MRPL37: variants seen among roughly 807,000 people sequenced by gnomAD.
The protein encoded by MRPL37 is mitochondrial ribosomal protein L37.
MRPL37 carries 34 observed loss-of-function variants against 44.1 expected under a neutral mutation model. That is an observed-to-expected ratio of 0.77 (90% confidence interval 0.59 to 1.03). MRPL37 has a LOEUF of 1.03. Ranked by LOEUF, MRPL37 falls within the 50% of genes least tolerant of loss-of-function variation. MRPL37 has a pLI of 0.00. For missense variants in MRPL37, 532 were observed against 543.7 expected, an observed-to-expected ratio of 0.98 and a Z score of 0.21; for synonymous variants, 212 against 219.5, an observed-to-expected ratio of 0.97 and a Z score of 0.30.
At chr1:54,218,896 T>C (rs778676364), downstream of MRPL37, among the ~76,000 whole-genome samples, 1 of 152,252 alleles carries the variant, frequency 6.6e-6, no homozygotes, top group Non-Finnish European at 1.5e-5. Flanking sequence ...AGAAAAATAT[T>C]GCATGCCTAG....
intron 1 of MRPL37, among the ~76,000 whole-genome samples, chr1:54,201,713 A>G (rs148119083): frequency 1.3e-5 from 2 of 152,174 alleles, no homozygotes; most frequent in East Asian, 3.8e-4. Flanking sequence ...TAGCCTTGTC[A>G]CTTACAAAGT....
At chr1:54,203,661 A>T (rs2100501047) in intron 1 of MRPL37, among the ~76,000 whole-genome samples, 1 of 151,914 alleles carries the variant, frequency 6.6e-6, no homozygotes, top group South Asian at 2.1e-4. Flanking sequence ...TTTTTAGTAG[A>T]GACGGGGTTT....
Position 54,205,058 on chromosome 1 carries a change from A to T in MRPL37, c.387A>T (p.Ile129=). The change falls in exon 2 of 7, where the codon ATA becomes ATT. Residue 129 remains isoleucine (I), a synonymous_variant. Coordinates refer to ENST00000360840, the MANE Select transcript of MRPL37 (RefSeq NM_016491.4). The part of the protein sequence containing the change: ...QALWLTKTKL[I]EGLPEKVLSL... ...TCTGGCTCACCAAGACCAAGTTAAT[A>T]GAAGGCCTTCCCGAGAAAGTGCTTA... 1 of 1,614,224 alleles carries T rather than the reference A, an allele frequency of 6.2e-7. No homozygotes were observed. Among genetic ancestry groups the T allele is most frequent in the Non-Finnish European group, 8.5e-7 (1 of 1,180,042 alleles).
intron 3 of MRPL37, among the ~76,000 whole-genome samples, chr1:54,209,450 AT>A (rs35454838): frequency 0.039 from 5,408 of 137,678 alleles, 188 homozygotes; most frequent in African/African-American, 0.1. Context: ...AAAGTCTTTA[AT>A]TTTTTTTTTT....
At chr1:54,202,004 CTTT>C (rs772612874) in intron 1 of MRPL37, among the ~76,000 whole-genome samples, 6 of 141,160 alleles carry the variant, frequency 4.3e-5, no homozygotes, top group African/African-American at 5.2e-5. Flanking sequence ...CCAGAAGTTA[CTTT>C]TTTTTTTTTT....
rs1164995474 is a variant in MRPL37, at chr1:54,217,573, A to G, written c.1195-599A>G. 3.3e-5 allele frequency among the ~76,000 whole-genome samples: 5 copies of G among 151,848 alleles called. No individual in the cohort carries two copies. The East Asian group carries it at 5.8e-4, about 18-fold the overall frequency. The stretch of plus-strand genomic sequence containing the variant: ...TCCTGCCTTCATTTCTACTTCTTCT[A>G]TTGCATGTGCTGGGCTTTCTGAAGT... On this transcript the variant is annotated intron_variant, in intron 6 of 6. Coordinates refer to ENST00000360840, the MANE Select transcript of MRPL37 (RefSeq NM_016491.4).
chr1:54,217,879 C>A (rs141886071), intron 6 of MRPL37, among the ~76,000 whole-genome samples: 84 of 152,182 alleles, frequency 5.5e-4, no homozygotes, highest in Non-Finnish European at 9.6e-4. Flanking sequence ...GATGATTGTC[C>A]CTGGGATTAG....
At chr1:54,205,882 G>A (rs992884553) in intron 3 of MRPL37, among the ~76,000 whole-genome samples, 8 of 152,014 alleles carry the variant, frequency 5.3e-5, no homozygotes, top group Admixed American at 2.0e-4. Flanking sequence ...CTGTCTCCTA[G>A]TAGTGTAAAC....
At chr1:54,223,957 G>A (rs976099772), downstream of MRPL37, among the ~76,000 whole-genome samples, 8 of 152,200 alleles carry the variant, frequency 5.3e-5, no homozygotes, top group Admixed American at 5.2e-4. Flanking sequence ...TTTGTGTTGT[G>A]AAGGCAACTG....
chr1:54,205,969 C>A (rs970809327), intron 3 of MRPL37, among the ~76,000 whole-genome samples: 2 of 152,232 alleles, frequency 1.3e-5, no homozygotes, highest in Admixed American at 6.5e-5. Flanking sequence ...CTTTACTGCC[C>A]CCCACCCCAT....
chr1:54,216,055 G>C lies in MRPL37; in HGVS notation c.991-86G>C. On this transcript the variant is annotated intron_variant, in intron 5 of 6. Transcript: ENST00000360840. ...AGTGGACGTAGGTGGACGTTGTAAA[G>C]GGAAGAACTAGAAGCTGCCTGGGCC... 7.1e-6 allele frequency: 10 copies of C among 1,404,460 alleles called. No homozygotes were observed. The South Asian group carries it at 1.2e-4, about 17-fold the overall frequency. The allele number at this position is 1,404,460 out of a possible 1,614,324, so 87.0% of individuals were successfully genotyped here.
At chr1:54,208,194 T>C (rs1019824887) in intron 3 of MRPL37, among the ~76,000 whole-genome samples, 4 of 152,158 alleles carry the variant, frequency 2.6e-5, no homozygotes, top group Non-Finnish European at 4.4e-5. Flanking sequence ...CTGGCTAGGG[T>C]TTTCTCACTC....
chr1:54,203,467 CTTTTTTTTTTTTTT>C (rs780467512), intron 1 of MRPL37, among the ~76,000 whole-genome samples: 2 of 98,874 alleles, frequency 2.0e-5, no homozygotes, highest in African/African-American at 8.2e-5. Flanking sequence ...ACTTCATTTA[CTTTTTTTTTTTTTT>C]TTTTTTTTTT....
chr1:54,214,491 C>A (rs747543223), intron 5 of MRPL37, among the ~76,000 whole-genome samples: 60 of 152,250 alleles, frequency 3.9e-4, no homozygotes, highest in Admixed American at 6.5e-4. Context: ...TCCAAGATCC[C>A]ACAGCTAATG....
At chr1:54,209,508 G>A (rs1370038945) in intron 3 of MRPL37, among the ~76,000 whole-genome samples, 3 of 150,072 alleles carry the variant, frequency 2.0e-5, no homozygotes, top group African/African-American at 7.4e-5. Context: ...CACCCAGGCT[G>A]GAGTGCAGTG....
At chr1:54,213,227 G>A (rs1644176763) in intron 5 of MRPL37, among the ~76,000 whole-genome samples, 1 of 152,218 alleles carries the variant, frequency 6.6e-6, no homozygotes, top group Non-Finnish European at 1.5e-5. Flanking sequence ...TTGTCACAGA[G>A]AGCTGTCCCA....
chr1:54,212,411 T>G, intron 4 of MRPL37, 90 bp from the exon 5 acceptor site: 1 of 1,469,960 alleles, frequency 6.8e-7, no homozygotes, highest in Non-Finnish European at 9.4e-7. Flanking sequence ...GTAGCACCTG[T>G]CCCTGGGCTA....
downstream of MRPL37, chr1:54,220,696 G>A (rs769615006): frequency 1.3e-4 from 63 of 471,466 alleles, no homozygotes; most frequent in Middle Eastern, 1.3e-3. Flanking sequence ...GTGATGCAGC[G>A]GAACTTGAGG....
chr1:54,217,076 T>A (rs1644203176), intron 6 of MRPL37, among the ~76,000 whole-genome samples: 1 of 152,142 alleles, frequency 6.6e-6, no homozygotes, highest in Non-Finnish European at 1.5e-5. Flanking sequence ...GGCAGTAATA[T>A]GCACCCTGGA....
Sources: gnomAD v4.1 joint callset for allele counts (sites outside exome capture counted in the v4.1 genomes callset) on GRCh38, gnomAD v4.1.1 for gene constraint, MANE v1.5 for transcripts, NCBI Gene and HGNC (gene_info 2026-07-23, HGNC 2026-07-21) for gene names.